Variants in PPFIA1 observed in about 807,000 individuals in gnomAD.
PPFIA1 encodes the protein liprin-alpha-1.
Under a neutral mutation model 149.9 loss-of-function variants are expected in PPFIA1, and 25 were observed. The ratio of observed to expected loss-of-function variants is 0.17; its 90% CI spans 0.12 to 0.23. The LOEUF is 0.23. PPFIA1 is among the 10% of genes least tolerant of loss of function. PPFIA1 has a pLI of 1.00. For missense variants in PPFIA1, 1,362 were observed against 1,506.5 expected, an observed-to-expected ratio of 0.90 and a Z score of 1.59; for synonymous variants, 549 against 552.8, an observed-to-expected ratio of 0.99 and a Z score of 0.10.
intron 26 of PPFIA1, 28 bp downstream of exon 26, chr11:70,378,223 A>C (rs769598027): frequency 6.3e-7 from 1 of 1,596,402 alleles, no homozygotes; most frequent in Non-Finnish European, 8.6e-7. Flanking sequence ...CTAACCTGTC[A>C]CTTGTTGGGA....
intron 2 of PPFIA1, among the ~76,000 whole-genome samples, chr11:70,280,744 T>A (rs2050713736): frequency 6.6e-6 from 1 of 152,136 alleles, no homozygotes; most frequent in South Asian, 2.1e-4. Context: ...ATTTTTAAAT[T>A]TTTTGTAGAG....
At position 70,382,126 on chromosome 11, in the gene PPFIA1, G is replaced by C. The variant is rs771032680; in HGVS notation, c.3589G>C (p.Val1197Leu). The C allele has an allele frequency of 1.2e-6, 2 of 1,614,024 alleles. No homozygotes were observed. The highest frequency in any genetic ancestry group is 1.7e-5 in the Admixed American group (1 of 60,012). Residue 1197 changes from valine to leucine, a missense_variant, in exon 27 of 28, where the codon GTC becomes CTC. This residue lies in a region of PPFIA1 where 349 missense variants were observed against 373.3 expected (regional missense o/e 0.93). Transcript: ENST00000253925. ...AACACAGAGGTTGGATTCTGCTACA[G>C]TCAGGACTTACTCCTGCTAAAGTCT... ...SGTQRLDSAT[V>L]RTYSC
intron 2 of PPFIA1, among the ~76,000 whole-genome samples, chr11:70,299,021 T>C (rs1358406699): frequency 6.6e-6 from 1 of 152,100 alleles, no homozygotes; most frequent in Non-Finnish European, 1.5e-5. Flanking sequence ...GGCGGATCAC[T>C]TGAGCTCAGG....
chr11:70,296,985 AT>A (rs1313665707), intron 2 of PPFIA1, among the ~76,000 whole-genome samples: 1 of 152,160 alleles, frequency 6.6e-6, no homozygotes, highest in Non-Finnish European at 1.5e-5. Context: ...AGAGCCTGGT[AT>A]TTAATAAGCA....
chr11:70,301,097 T>C (rs1363775615), intron 2 of PPFIA1, among the ~76,000 whole-genome samples: 1 of 152,244 alleles, frequency 6.6e-6, no homozygotes, highest in East Asian at 1.9e-4. Flanking sequence ...TTTTGGGTCC[T>C]CTGCGTACCA....
Position 70,310,081 on chromosome 11 carries a change from C to G in PPFIA1, c.265-14321C>G, listed in dbSNP as rs555237558. The stretch of plus-strand genomic sequence containing the variant: ...AAATTTTTTGAATGTATATTCACAT[C>G]AGTATTTCAGTTACTATGAAGTAAT... On this transcript the variant is annotated intron_variant, in intron 2 of 27. Coordinates refer to ENST00000253925, the MANE Select transcript of PPFIA1 (RefSeq NM_003626.5). Among the ~76,000 whole-genome samples, 5 of 152,208 alleles carry G rather than the reference C, an allele frequency of 3.3e-5. No individual in the cohort carries two copies. In the East Asian group the frequency reaches 9.6e-4, roughly 29 times the overall value.
intron 23 of PPFIA1, 121 bp downstream of exon 23, chr11:70,372,695 T>A: frequency 1.4e-6 from 1 of 712,310 alleles, no homozygotes; most frequent in Non-Finnish European, 2.3e-6. Flanking sequence ...GAAAACTAAC[T>A]AGTCTAGTGT....
At chr11:70,295,878 TCTC>T (rs1247424456) in intron 2 of PPFIA1, among the ~76,000 whole-genome samples, 1 of 150,216 alleles carries the variant, frequency 6.7e-6, no homozygotes, top group African/African-American at 2.5e-5. Flanking sequence ...GCTCCTCACT[TCTC>T]AGACGGGGCG....
At chr11:70,271,308 C>A in intron 1 of PPFIA1, 1 of 152,582 alleles carries the variant, frequency 6.6e-6, no homozygotes. Context: ...TGGAGGTCAC[C>A]ATCCCCATCA....
chr11:70,358,708 T>A (rs1227825213), intron 19 of PPFIA1: 1 of 152,206 alleles, frequency 6.6e-6, no homozygotes, highest in Non-Finnish European at 1.5e-5. Context: ...AGCCAGATGC[T>A]TTCACTTACA....
At chr11:70,279,800 G>A (rs1370889246) in intron 2 of PPFIA1, among the ~76,000 whole-genome samples, 2 of 148,582 alleles carry the variant, frequency 1.3e-5, no homozygotes, top group Non-Finnish European at 3.0e-5. Context: ...TGTTGCCCAG[G>A]GTGGTCTTGA....
chr11:70,311,711 G>A (rs2136530642), intron 2 of PPFIA1, among the ~76,000 whole-genome samples: 1 of 152,208 alleles, frequency 6.6e-6, no homozygotes, highest in Admixed American at 6.5e-5. Flanking sequence ...GTGGACCATG[G>A]GTAGAGTGTA....
chr11:70,344,055 GC>G (rs1335831708), intron 15 of PPFIA1, among the ~76,000 whole-genome samples, 163 bp downstream of exon 15: 7 of 152,226 alleles, frequency 4.6e-5, no homozygotes, highest in African/African-American at 1.7e-4. Context: ...GTCTGAAATT[GC>G]CCTTGAATAT....
chr11:70,352,994 C>T (rs2056160885), intron 16 of PPFIA1, among the ~76,000 whole-genome samples: 1 of 152,122 alleles, frequency 6.6e-6, no homozygotes, highest in Admixed American at 6.6e-5. Context: ...GAAACTTAAG[C>T]TTCATATTGA....
chr11:70,272,148 T>C, intron 1 of PPFIA1, 25 bp from the exon 2 acceptor site: 1 of 1,608,906 alleles, frequency 6.2e-7, no homozygotes, highest in Non-Finnish European at 8.5e-7. Flanking sequence ...GCTTAATTAC[T>C]GTAGCCTGGG....
At chr11:70,291,841 T>TA (rs1206322846) in intron 2 of PPFIA1, among the ~76,000 whole-genome samples, 1 of 147,542 alleles carries the variant, frequency 6.8e-6, no homozygotes, top group African/African-American at 2.5e-5. Flanking sequence ...TGGCTAATTT[T>TA]TTTTTTTTTT....
chr11:70,382,320 T>C (rs972029196), intron 27 of PPFIA1, among the ~76,000 whole-genome samples, 162 bp downstream of exon 27: 6 of 152,148 alleles, frequency 3.9e-5, no homozygotes, highest in African/African-American at 1.4e-4. Flanking sequence ...ATTAAGATCA[T>C]TTTGTTGTTA....
At chr11:70,317,861 A>T (rs1433677429) in intron 2 of PPFIA1, among the ~76,000 whole-genome samples, 1 of 152,132 alleles carries the variant, frequency 6.6e-6, no homozygotes, top group Non-Finnish European at 1.5e-5. Flanking sequence ...TTAGGCTTTG[A>T]CTAGGGCTTT....
At chr11:70,317,331 C>T (rs572338058) in intron 2 of PPFIA1, among the ~76,000 whole-genome samples, 28 of 152,064 alleles carry the variant, frequency 1.8e-4, no homozygotes, top group African/African-American at 5.1e-4. Context: ...TGGAATGTCC[C>T]GTCTAATGTT....
Sources: gnomAD v4.1 joint callset for allele counts (sites outside exome capture counted in the v4.1 genomes callset) on GRCh38, gnomAD v4.1.1 for gene constraint, gnomAD v4.1.1 regional missense constraint, MANE v1.5 for transcripts, NCBI Gene and HGNC (gene_info 2026-07-23, HGNC 2026-07-21) for gene names.